The following KDM2B variants were observed in gnomAD, a reference collection of about 807,000 sequenced individuals.
The protein encoded by KDM2B is lysine demethylase 2B.
A neutral mutation model predicts 150.0 loss-of-function variants in KDM2B; 26 were observed. That is an observed-to-expected ratio of 0.17 (90% CI 0.13 to 0.24). The LOEUF is 0.24. Among genes scored for constraint, KDM2B ranks in the 10% least tolerant of loss-of-function variants. The pLI is 1.00. For synonymous variants in KDM2B, 734 were observed against 729.5 expected (o/e 1.01, Z -0.10); for missense variants, 1,265 against 1,816.9 (o/e 0.70, Z 5.52).
chr12:121,443,540 C>G, intron 17 of KDM2B, 140 bp downstream of exon 17: 1 of 653,582 alleles, frequency 1.5e-6, no homozygotes, highest in Admixed American at 2.4e-5. Flanking sequence ...GCCAGAACCA[C>G]GAGCCAGAGA....
chr12:121,562,710 G>A (rs1702147072), intron 4 of KDM2B, among the ~76,000 whole-genome samples: 1 of 151,646 alleles, frequency 6.6e-6, no homozygotes, highest in South Asian at 2.1e-4. Flanking sequence ...GGGGGGAGGA[G>A]GAGGGGAAAG....
chr12:121,557,159 A>G (rs1424856292), intron 4 of KDM2B, among the ~76,000 whole-genome samples: 3 of 151,814 alleles, frequency 2.0e-5, no homozygotes, highest in Admixed American at 6.6e-5. Flanking sequence ...TCTGTGATAC[A>G]GGGTCTTTGC....
chr12:121,482,881 T>C (rs1308367055), intron 12 of KDM2B, among the ~76,000 whole-genome samples: 3 of 152,028 alleles, frequency 2.0e-5, no homozygotes, highest in Non-Finnish European at 4.4e-5. Flanking sequence ...GAAAACGTTA[T>C]TGGGCCAGGT....
chr12:121,408,747 G>T, the KDM2B span, among the ~76,000 whole-genome samples: 76 of 152,246 alleles, frequency 5.0e-4, no homozygotes, highest in African/African-American at 1.8e-3. Flanking sequence ...TTGAACAATG[G>T]CTGCTTTTGA....
chr12:121,416,029 G>T, the KDM2B span: 1 of 673,970 alleles, frequency 1.5e-6, no homozygotes. Context: ...AAATTTCAGT[G>T]CCCAGAGGAA....
chr12:121,523,261 A>C (rs926106185), intron 8 of KDM2B, among the ~76,000 whole-genome samples: 4 of 152,252 alleles, frequency 2.6e-5, no homozygotes, highest in African/African-American at 9.6e-5. Context: ...AGGCTGGGAA[A>C]TACAGAGGGG....
rs782692965 is a variant in KDM2B, at chr12:121,439,894, G to A, written c.3792C>T (p.Thr1264=). The change falls in exon 22 of 23, where the codon ACC becomes ACT. Residue 1264 remains threonine (T), a synonymous_variant. Transcript: ENST00000377071. The part of the protein sequence containing the change: ...QSINLLTAVG[T]TTRDSLTEIN... The stretch of plus-strand genomic sequence containing the variant: ...TCTCGGTTAAGGAGTCTCGGGTGGT[G>A]GTGCCAACAGCAGTGAGCAGGTTGA... The A allele has an allele frequency of 5.6e-6, 9 of 1,614,082 alleles. No homozygotes were observed. The highest frequency in any genetic ancestry group is 1.7e-5 in the Admixed American group (1 of 60,008).
rs548676593 is a variant in KDM2B, at chr12:121,568,545, C to T, written c.397+6002G>A. On this transcript the variant is annotated intron_variant, in intron 4 of 22. Transcript: ENST00000377071. ...AACTACACACAACAAACAATATGGA[C>T]GAATTGTATATACACAAAGCTGAGC... Among the ~76,000 whole-genome samples the T allele has an allele frequency of 5.3e-5, 8 of 152,080 alleles. No individual in the cohort carries two copies. The South Asian group carries it at 6.2e-4, about 12-fold the overall frequency.
At chr12:121,443,927 C>T in intron 16 of KDM2B, 85 bp downstream of exon 16, 1 of 1,501,496 alleles carries the variant, frequency 6.7e-7, no homozygotes, top group Non-Finnish European at 9.0e-7. Flanking sequence ...CTACCTGCTG[C>T]CCACCCCCTG....
At chr12:121,479,375 G>A (rs1566317537) in intron 12 of KDM2B, among the ~76,000 whole-genome samples, 1 of 151,132 alleles carries the variant, frequency 6.6e-6, no homozygotes, top group Non-Finnish European at 1.5e-5. Flanking sequence ...GCTGAGGCAG[G>A]AGAATGGCGT....
At position 121,533,491 on chromosome 12, in the gene KDM2B, G is replaced by A. The variant is rs1168581451; in HGVS notation, c.778-532C>T. Among the ~76,000 whole-genome samples, 5 of 152,152 alleles carry A rather than the reference G, an allele frequency of 3.3e-5. No individual in the cohort carries two copies. The highest frequency in any genetic ancestry group is 6.6e-5 in the Admixed American group (1 of 15,266). On this transcript the variant is annotated intron_variant, in intron 7 of 22. Coordinates refer to ENST00000377071, the MANE Select transcript of KDM2B (RefSeq NM_032590.5). This position sits in a 1 kb window ranked among gnomAD's most constrained non-coding sequence, Gnocchi z 4.1. The stretch of plus-strand genomic sequence containing the variant: ...TTTCAAGAAGCACCCACCTCCATCA[G>A]GGACACCCACATCCCCACGTGGACA...
At chr12:121,462,788 G>A (rs899128327) in intron 12 of KDM2B, among the ~76,000 whole-genome samples, 5 of 151,768 alleles carry the variant, frequency 3.3e-5, no homozygotes, top group African/African-American at 7.3e-5. Context: ...CACCGCGCCC[G>A]GCTGGCAAAA....
chr12:121,548,870 G>T lies in KDM2B; in HGVS notation c.683+7C>A. ...GCCAGCTCTGGCCACCAGCCAGGCA[G>T]TCTTACTTTTTCACTTTCGGGTACT... On this transcript the variant is annotated splice_region_variant and intron_variant, in intron 6 of 22. Transcript: ENST00000377071. The T allele has an allele frequency of 6.2e-7, 1 of 1,610,532 alleles. No individual in the cohort carries two copies. The highest frequency in any genetic ancestry group is 8.5e-7 in the Non-Finnish European group (1 of 1,176,694).
chr12:121,524,712 T>C (rs965726622), intron 8 of KDM2B: 8 of 453,972 alleles, frequency 1.8e-5, no homozygotes, highest in Non-Finnish European at 3.1e-5. Context: ...CCAGGAAGCA[T>C]GAGAGCCGGT....
intron 12 of KDM2B, among the ~76,000 whole-genome samples, chr12:121,479,466 C>CAA (rs368195967): frequency 0.022 from 3,065 of 139,500 alleles, 87 homozygotes; most frequent in African/African-American, 0.063. Flanking sequence ...GACCCTGTCT[C>CAA]AAAAAAAAAA....
chr12:121,549,782 C>G lies in KDM2B; in HGVS notation c.398-144G>C. 1 of 692,628 alleles carries G rather than the reference C, an allele frequency of 1.4e-6. No homozygotes were observed. The allele number at this position is 692,628 out of a possible 1,614,324, so 42.9% of individuals were successfully genotyped here. ...TTCCTCATCTGTTCAATTACCTCAC[C>G]CCATCGGCTTTCCTTCTGGGATCTG... On this transcript the variant is annotated intron_variant, in intron 4 of 22. Coordinates refer to ENST00000377071, the MANE Select transcript of KDM2B (RefSeq NM_032590.5). The surrounding 1 kb of genome is among the most constrained non-coding windows in gnomAD (Gnocchi z 4.4).
At chr12:121,572,684 G>A (rs1891189101) in intron 4 of KDM2B, among the ~76,000 whole-genome samples, 1 of 152,114 alleles carries the variant, frequency 6.6e-6, no homozygotes, top group Non-Finnish European at 1.5e-5. Context: ...TTAGAGATAG[G>A]TCTCGCTCTG....
intron 8 of KDM2B, among the ~76,000 whole-genome samples, chr12:121,532,554 T>C (rs1157269880): frequency 6.6e-6 from 1 of 152,202 alleles, no homozygotes; most frequent in Non-Finnish European, 1.5e-5. Context: ...TGCACAGGGA[T>C]TCGAGTCTCC....
At chr12:121,443,650 G>A (rs371229389) in intron 17 of KDM2B, 30 bp downstream of exon 17, 2 of 1,381,616 alleles carry the variant, frequency 1.4e-6, no homozygotes, top group East Asian at 2.3e-5. Flanking sequence ...AGTCCCCGGG[G>A]CCTCAGGAGG....
Sources: allele counts gnomAD v4.1 joint callset (sites outside exome capture counted in the v4.1 genomes callset), GRCh38; gene constraint gnomAD v4.1.1; non-coding constraint Gnocchi (gnomAD v3.1); transcripts MANE v1.5; gene names NCBI Gene and HGNC (gene_info 2026-07-23, HGNC 2026-07-21).